The following DNPEP variants were observed in gnomAD, a reference collection of about 807,000 sequenced individuals.
DNPEP encodes the protein aspartyl aminopeptidase.
Under a neutral mutation model 59.1 loss-of-function variants are expected in DNPEP, and 46 were observed. The observed-to-expected ratio is 0.78, with a 90% CI of 0.61 to 0.99. The LOEUF (loss-of-function observed/expected upper bound fraction) is 0.99. Ranked by LOEUF, DNPEP falls within the 50% of genes least tolerant of loss-of-function variation. The probability of loss-of-function intolerance (pLI) is 0.00; values close to 1 mark genes in which losing one functional copy is unlikely to be tolerated. For missense variants in DNPEP, 617 were observed against 649.9 expected, an observed-to-expected ratio of 0.95 and a Z score of 0.55; for synonymous variants, 229 against 242.2, an observed-to-expected ratio of 0.95 and a Z score of 0.50.
chr2:219,372,277 A>G lies in DNPEP; in HGVS notation c.*2015T>C, dbSNP rs1953215185. Among the ~76,000 whole-genome samples the G allele has an allele frequency of 6.6e-6, 1 of 152,236 alleles. No homozygotes were observed. Among genetic ancestry groups the G allele is most frequent in the African/African-American group, 2.4e-5 (1 of 41,460 alleles). ...GCCCTTTTGTCACTCCCAACCCAGA[A>G]GATCACTGTAAAAGTTTCAGGTGCA... On this transcript the variant is annotated 3_prime_UTR_variant, in exon 15 of 15. Coordinates refer to ENST00000273075, the MANE Select transcript of DNPEP (RefSeq NM_012100.4).
upstream of DNPEP, chr2:219,393,570 A>G (rs993588551): frequency 6.6e-6 from 1 of 152,376 alleles, no homozygotes; most frequent in African/African-American, 2.4e-5. Context: ...GTGAGCCACC[A>G]CACCCAGCTG....
chr2:219,388,850 A>C, upstream of DNPEP: 1 of 985,472 alleles, frequency 1.0e-6, no homozygotes, highest in African/African-American at 1.7e-5. Flanking sequence ...TAATCTTCAC[A>C]ACTGCCCCAT....
At chr2:219,387,406 A>T (rs1297682345) in intron 1 of DNPEP, 2 of 1,434,720 alleles carry the variant, frequency 1.4e-6, no homozygotes, top group Admixed American at 5.8e-5. Context: ...CCGACTCCCT[A>T]AGTCCCGCCC....
chr2:219,385,745 G>T (rs762195603), intron 6 of DNPEP, 39 bp from the exon 7 acceptor site: 2 of 1,550,474 alleles, frequency 1.3e-6, no homozygotes, highest in Non-Finnish European at 1.8e-6. Flanking sequence ...TTGCGAGGAG[G>T]GCACAGCTGA....
chr2:219,396,457 G>A (rs1265612420), intron 1 of DNPEP, among the ~76,000 whole-genome samples: 5 of 151,800 alleles, frequency 3.3e-5, no homozygotes, highest in Admixed American at 1.3e-4. Context: ...GCATGGTAGC[G>A]GGCACCTGTA....
Position 219,382,152 on chromosome 2 carries a change from G to C in DNPEP, c.937-13C>G. 6.2e-7 allele frequency: 1 copy of C among 1,605,998 alleles called. No individual in the cohort carries two copies. The highest frequency in any genetic ancestry group is 8.5e-7 in the Non-Finnish European group (1 of 1,179,484). Reference sequence around the variant, plus strand: ...TCTCAGACCCCACCTGGCGACAGTAGAGTCCTGACTCTGGGAATCTGGGCT... The same window carrying C: ...TCTCAGACCCCACCTGGCGACAGTACAGTCCTGACTCTGGGAATCTGGGCT... On this transcript the variant is annotated splice_polypyrimidine_tract_variant and intron_variant, in intron 10 of 14. Coordinates refer to ENST00000273075, the MANE Select transcript of DNPEP (RefSeq NM_012100.4).
At chr2:219,382,498 C>T (rs1361141626) in intron 10 of DNPEP, among the ~76,000 whole-genome samples, 3 of 152,218 alleles carry the variant, frequency 2.0e-5, no homozygotes, top group Non-Finnish European at 2.9e-5. Context: ...TGTAGCTAAG[C>T]ACTTAACTAC....
intron 1 of DNPEP, among the ~76,000 whole-genome samples, chr2:219,397,667 T>G (rs1225090485): frequency 6.6e-6 from 1 of 152,230 alleles, no homozygotes; most frequent in Non-Finnish European, 1.5e-5. Flanking sequence ...GGTATGTAAA[T>G]TTGACAATTA....
At chr2:219,388,169 G>A (rs181313685), upstream of DNPEP, among the ~76,000 whole-genome samples, 73 of 113,228 alleles carry the variant, frequency 6.4e-4, no homozygotes, top group African/African-American at 2.3e-3. Flanking sequence ...CGCCCGCCCC[G>A]CCCCTCGTCA....
chr2:219,388,793 C>G (rs1953960713), upstream of DNPEP: 8 of 985,392 alleles, frequency 8.1e-6, no homozygotes, highest in South Asian at 3.3e-4. Context: ...ATGGGGCGCT[C>G]ACGGTGAGCT....
chr2:219,389,757 C>A (rs138291196), upstream of DNPEP, among the ~76,000 whole-genome samples: 1,180 of 151,286 alleles, frequency 7.8e-3, 32 homozygotes, highest in East Asian at 0.096. Context: ...CGCTTGAACC[C>A]GGGAGGTGGA....
intron 11 of DNPEP, 162 bp downstream of exon 11, chr2:219,381,817 A>G: frequency 1.1e-6 from 1 of 932,070 alleles, no homozygotes; most frequent in South Asian, 1.6e-5. Context: ...CATGACTTTG[A>G]CCAAGTTGGT....
In DNPEP at chr2:219,386,431, A is replaced by C. The variant is rs1486010366; in HGVS notation, c.334-20T>G. ...TTTCACCTGAGTGTAAAGATGGAGA[A>C]GTCAGAGAAGGCTTCATGACGATAT... On this transcript the variant is annotated intron_variant, in intron 4 of 14. Coordinates refer to ENST00000273075, the MANE Select transcript of DNPEP (RefSeq NM_012100.4). 1 of 1,614,152 alleles carries C rather than the reference A, an allele frequency of 6.2e-7. No homozygotes were observed. The highest frequency in any genetic ancestry group is 1.7e-5 in the Admixed American group (1 of 60,018).
At chr2:219,389,064 C>T (rs1430428371), upstream of DNPEP, 2 of 165,120 alleles carry the variant, frequency 1.2e-5, no homozygotes, top group Non-Finnish European at 2.5e-5. Context: ...TGTTATGTTA[C>T]ACGGGAGGTC....
chr2:219,374,730 G>T, intron 14 of DNPEP, 125 bp downstream of exon 14: 1 of 1,169,950 alleles, frequency 8.5e-7, no homozygotes, highest in Non-Finnish European at 1.2e-6. Context: ...CATGGCCCCA[G>T]CATGACAACC....
chr2:219,379,911 C>T (rs991397731), intron 13 of DNPEP, among the ~76,000 whole-genome samples: 1 of 122,422 alleles, frequency 8.2e-6, no homozygotes, highest in Non-Finnish European at 1.7e-5. Flanking sequence ...GAGTGAGACT[C>T]CATCTCAAAA....
At chr2:219,386,843 G>A (rs1229948714) in intron 3 of DNPEP, 49 bp downstream of exon 3, 4 of 1,610,066 alleles carry the variant, frequency 2.5e-6, no homozygotes, top group Non-Finnish European at 3.4e-6. Flanking sequence ...ACAGGGCTTG[G>A]AGACCAGCCT....
intron 8 of DNPEP, chr2:219,384,697 T>A (rs1242343805): frequency 2.9e-6 from 1 of 348,382 alleles, no homozygotes; most frequent in African/African-American, 2.2e-5. Flanking sequence ...GCCTCCTGAG[T>A]AGCTGGGATT....
At chr2:219,381,949 A>G in intron 11 of DNPEP, 30 bp downstream of exon 11, 1 of 1,611,712 alleles carries the variant, frequency 6.2e-7, no homozygotes, top group Non-Finnish European at 8.5e-7. Flanking sequence ...CAGCTATGTG[A>G]AGACTGTGTG....
Sources: gnomAD v4.1 joint callset for allele counts (sites outside exome capture counted in the v4.1 genomes callset) on GRCh38, gnomAD v4.1.1 for gene constraint, MANE v1.5 for transcripts, NCBI Gene and HGNC (gene_info 2026-07-23, HGNC 2026-07-21) for gene names.